UBE2E2: variants seen among roughly 807,000 people sequenced by gnomAD.
UBE2E2 encodes ubiquitin-conjugating enzyme E2 E2.
In UBE2E2, 6 loss-of-function variants were observed where a neutral mutation model predicts 24.7. That is an observed-to-expected ratio of 0.24 (90% CI 0.13 to 0.48). UBE2E2 has a LOEUF of 0.48. UBE2E2 is among the 20% of genes least tolerant of loss of function. The probability of loss-of-function intolerance (pLI) is 0.99; values close to 1 mark genes in which losing one functional copy is unlikely to be tolerated. For synonymous variants in UBE2E2, 104 were observed against 83.6 expected, an observed-to-expected ratio of 1.24 and a Z score of -1.33; for missense variants, 169 against 245.0, an observed-to-expected ratio of 0.69 and a Z score of 2.07.
intron 3 of UBE2E2, among the ~76,000 whole-genome samples, chr3:23,314,344 G>A (rs1237062307): frequency 6.6e-6 from 1 of 152,032 alleles, no homozygotes; most frequent in Admixed American, 6.6e-5. Flanking sequence ...TGTCCAGGCT[G>A]GTCTCATACT....
intron 3 of UBE2E2, among the ~76,000 whole-genome samples, chr3:23,285,014 C>A (rs7641764): frequency 2.0e-5 from 3 of 150,728 alleles, no homozygotes; most frequent in African/African-American, 7.3e-5. Flanking sequence ...CCACTCCCCC[C>A]ACCCCATGCC....
rs76380044 is a variant in UBE2E2 at position 23,535,374 on chromosome 3, G to C, written c.508+2673G>C. ...TCAGTTGAATTTAACTGGGGAGATAGTATCGAATAGTATCTAACGCCGTCA... is the reference window on the plus strand; with the variant it reads ...TCAGTTGAATTTAACTGGGGAGATACTATCGAATAGTATCTAACGCCGTCA... On this transcript the variant is annotated intron_variant, in intron 5 of 5. Transcript: ENST00000396703. 3.7e-3 allele frequency among the ~76,000 whole-genome samples: 565 copies of C among 152,298 alleles called. 2 individuals are homozygous for C. Among genetic ancestry groups the C allele is most frequent in the African/African-American group, 0.013 (540 of 41,578 alleles).
At chr3:23,356,612 C>A (rs1006736699) in intron 3 of UBE2E2, among the ~76,000 whole-genome samples, 1 of 152,098 alleles carries the variant, frequency 6.6e-6, no homozygotes, top group Non-Finnish European at 1.5e-5. Context: ...TTTTATGTAT[C>A]CCAAAAAAGT....
intron 3 of UBE2E2, among the ~76,000 whole-genome samples, chr3:23,488,058 T>G (rs755253571): frequency 2.0e-5 from 3 of 151,972 alleles, no homozygotes; most frequent in Non-Finnish European, 1.5e-5. Flanking sequence ...GACAACTGTA[T>G]GAAGAAATTG....
chr3:23,518,832 C>T (rs1694801064), intron 4 of UBE2E2, among the ~76,000 whole-genome samples: 1 of 152,068 alleles, frequency 6.6e-6, no homozygotes. Context: ...TCATTTCTTT[C>T]TTGGTTTGGT....
chr3:23,234,993 T>C (rs1312213527), intron 3 of UBE2E2, among the ~76,000 whole-genome samples: 1 of 152,150 alleles, frequency 6.6e-6, no homozygotes, highest in Non-Finnish European at 1.5e-5. Context: ...TAAGATACAT[T>C]TTGAGGTTAA....
At chr3:23,526,443 G>A (rs954118040) in intron 4 of UBE2E2, among the ~76,000 whole-genome samples, 17 of 152,132 alleles carry the variant, frequency 1.1e-4, no homozygotes, top group African/African-American at 2.9e-4. Context: ...CAGAGACCAC[G>A]AGCCTGTGGT....
intron 5 of UBE2E2, among the ~76,000 whole-genome samples, chr3:23,541,534 A>T (rs1008527610): frequency 6.6e-6 from 1 of 152,240 alleles, no homozygotes; most frequent in Admixed American, 6.5e-5. Flanking sequence ...AATTACTAGC[A>T]TATTTCTTTC....
chr3:23,531,901 A>C (rs1334252966), intron 4 of UBE2E2, among the ~76,000 whole-genome samples: 1 of 152,054 alleles, frequency 6.6e-6, no homozygotes, highest in East Asian at 1.9e-4. Flanking sequence ...GTCTCTACTA[A>C]AAATACAAAA....
intron 3 of UBE2E2, among the ~76,000 whole-genome samples, chr3:23,389,020 A>C (rs1696874832): frequency 6.8e-6 from 1 of 147,234 alleles, no homozygotes; most frequent in African/African-American, 2.5e-5. Flanking sequence ...AAAAAAAAAG[A>C]AAAAGAAAAA....
chr3:23,334,281 G>A (rs1695146780), intron 3 of UBE2E2, among the ~76,000 whole-genome samples: 2 of 151,600 alleles, frequency 1.3e-5, no homozygotes, highest in African/African-American at 4.9e-5. Flanking sequence ...AAACTTACTA[G>A]TACTTTGGGG....
At position 23,509,734 on chromosome 3, in the gene UBE2E2, C is replaced by G. The variant is rs1471738799; in HGVS notation, c.360+9994C>G. 4.2e-4 allele frequency among the ~76,000 whole-genome samples: 54 copies of G among 127,634 alleles called. 1 individual carries two copies. Among genetic ancestry groups the G allele is most frequent in the Admixed American group, 5.7e-4 (7 of 12,266 alleles). 83.7% of individuals were successfully genotyped at this position (127,634 alleles called of 152,430 possible). On this transcript the variant is annotated intron_variant, in intron 4 of 5. Transcript: ENST00000396703. ...GAATGCTATCCCTCCCCCCTCCCCCCACCCCACAACAGGCCCCGGTGTGTG... is the reference window on the plus strand; with the variant it reads ...GAATGCTATCCCTCCCCCCTCCCCCGACCCCACAACAGGCCCCGGTGTGTG...
At chr3:23,373,977 A>C (rs1440546559) in intron 3 of UBE2E2, among the ~76,000 whole-genome samples, 1 of 152,218 alleles carries the variant, frequency 6.6e-6, no homozygotes, top group Admixed American at 6.5e-5. Flanking sequence ...AAATCAAAAC[A>C]AAAAACCTCT....
At chr3:23,477,584 C>T (rs1021418627) in intron 3 of UBE2E2, among the ~76,000 whole-genome samples, 1 of 152,186 alleles carries the variant, frequency 6.6e-6, no homozygotes, top group Non-Finnish European at 1.5e-5. Flanking sequence ...ATAGAGGGAT[C>T]TTAGGATATA....
At chr3:23,295,836 A>T (rs775014470) in intron 3 of UBE2E2, among the ~76,000 whole-genome samples, 12 of 152,188 alleles carry the variant, frequency 7.9e-5, no homozygotes, top group Non-Finnish European at 1.6e-4. Context: ...TAATTTGTAT[A>T]TATATTGTTG....
intron 3 of UBE2E2, among the ~76,000 whole-genome samples, chr3:23,435,349 A>G (rs1261428397): frequency 1.3e-5 from 2 of 152,254 alleles, no homozygotes; most frequent in African/African-American, 4.8e-5. Context: ...CCTAGTTTAC[A>G]GAATAAAAAG....
At chr3:23,252,270 G>A (rs1697595259) in intron 3 of UBE2E2, among the ~76,000 whole-genome samples, 1 of 152,128 alleles carries the variant, frequency 6.6e-6, no homozygotes, top group Admixed American at 6.5e-5. Context: ...GAACTATACA[G>A]CAGTGTGTAT....
At chr3:23,290,917 C>G (rs1698747262) in intron 3 of UBE2E2, among the ~76,000 whole-genome samples, 1 of 131,242 alleles carries the variant, frequency 7.6e-6, no homozygotes, top group African/African-American at 2.9e-5. Context: ...AAAAAATTAG[C>G]CGGGCATGGT....
At chr3:23,352,869 C>T (rs1442354568) in intron 3 of UBE2E2, among the ~76,000 whole-genome samples, 1 of 152,192 alleles carries the variant, frequency 6.6e-6, no homozygotes, top group Non-Finnish European at 1.5e-5. Flanking sequence ...AGGGAATCCT[C>T]CCTAACTCAT....
Sources: gnomAD v4.1 joint callset for allele counts (sites outside exome capture counted in the v4.1 genomes callset) on GRCh38, gnomAD v4.1.1 for gene constraint, MANE v1.5 for transcripts, NCBI Gene and HGNC (gene_info 2026-07-23, HGNC 2026-07-21) for gene names.